BICD1: variants seen among roughly 807,000 people sequenced by gnomAD.
BICD1 encodes BICD cargo adaptor 1, also known as protein bicaudal D homolog 1.
A neutral mutation model predicts 92.5 loss-of-function variants in BICD1; 35 were observed. That is an observed-to-expected ratio of 0.38 (90% CI 0.29 to 0.50). BICD1 has a LOEUF of 0.50. BICD1 is among the 20% of genes least tolerant of loss of function. BICD1 has a pLI of 0.93. For synonymous variants in BICD1, 429 were observed against 465.1 expected, an observed-to-expected ratio of 0.92 and a Z score of 1.00; for missense variants, 950 against 1,189.8, an observed-to-expected ratio of 0.80 and a Z score of 2.97.
chr12:32,368,893 A>G (rs1939625478), intron 9 of BICD1, among the ~76,000 whole-genome samples: 1 of 152,074 alleles, frequency 6.6e-6, no homozygotes, highest in Non-Finnish European at 1.5e-5. Flanking sequence ...CAGCCTGGGT[A>G]ACAGAGCAAG....
intron 1 of BICD1, among the ~76,000 whole-genome samples, chr12:32,168,870 G>A (rs1180513382): frequency 6.6e-6 from 1 of 152,138 alleles, no homozygotes; most frequent in East Asian, 1.9e-4. Flanking sequence ...GCTGAGGCAG[G>A]AGAATCGCTT....
intron 1 of BICD1, among the ~76,000 whole-genome samples, chr12:32,150,789 AT>A (rs1299410917): frequency 1.1e-4 from 17 of 152,172 alleles, no homozygotes; most frequent in Admixed American, 5.9e-4. Flanking sequence ...TTAAAAAAAA[AT>A]AACATAAGAA....
At chr12:32,115,423 T>A (rs1384436365) in intron 1 of BICD1, among the ~76,000 whole-genome samples, 1 of 151,822 alleles carries the variant, frequency 6.6e-6, no homozygotes, top group African/African-American at 2.4e-5. Flanking sequence ...CCTTTGTTTT[T>A]ATAAAAACAG....
At chr12:32,325,158 TTC>T (rs1170053975) in intron 4 of BICD1, among the ~76,000 whole-genome samples, 4 of 138,198 alleles carry the variant, frequency 2.9e-5, no homozygotes, top group African/African-American at 1.1e-4. Flanking sequence ...TTTTTTTTTT[TTC>T]AGATTTCATT....
At chr12:32,370,699 T>C (rs1251018533) in intron 9 of BICD1, among the ~76,000 whole-genome samples, 1 of 152,260 alleles carries the variant, frequency 6.6e-6, no homozygotes, top group Non-Finnish European at 1.5e-5. Context: ...TCTTCACTTG[T>C]AAAGTTCAGA....
intron 1 of BICD1, among the ~76,000 whole-genome samples, chr12:32,195,781 C>T (rs1326750127): frequency 6.6e-6 from 1 of 151,988 alleles, no homozygotes; most frequent in Non-Finnish European, 1.5e-5. Flanking sequence ...TGAAATGGGA[C>T]TATGTTAAAC....
rs567707443 is a variant in BICD1, at chr12:32,201,030, C to T, written c.214-15217C>T. Among the ~76,000 whole-genome samples, 7 of 152,288 alleles carry T rather than the reference C, an allele frequency of 4.6e-5. No individual in the cohort carries two copies. The East Asian group carries it at 1.2e-3, about 25-fold the overall frequency. Reference sequence around the variant, plus strand: ...TCATGTTGGTAACTCCATGTCAATACTGCTTTGTGTACTAACTGCAAGATC... The same window carrying T: ...TCATGTTGGTAACTCCATGTCAATATTGCTTTGTGTACTAACTGCAAGATC... On this transcript the variant is annotated intron_variant, in intron 1 of 9. Transcript: ENST00000652176.
intron 8 of BICD1, among the ~76,000 whole-genome samples, chr12:32,361,436 C>T (rs1939321100): frequency 1.3e-5 from 2 of 151,802 alleles, no homozygotes; most frequent in Non-Finnish European, 2.9e-5. Flanking sequence ...GCCTGTAATC[C>T]CAGCTACTCT....
chr12:32,306,020 G>A lies in BICD1; in HGVS notation c.903G>A (p.Arg301=), dbSNP rs1948205323. The A allele has an allele frequency of 2.5e-6, 4 of 1,614,002 alleles. No homozygotes were observed. Among genetic ancestry groups the A allele is most frequent in the Non-Finnish European group, 3.4e-6 (4 of 1,180,028 alleles). ...GPLVKLNGDY[R]TPTLRKGESL... is the part of the protein sequence containing the mutation. ...TTGTGAAACTGAATGGAGACTATCGGACTCCCACCTTAAGGAAAGGAGAGT... is the reference window on the plus strand; with the variant it reads ...TTGTGAAACTGAATGGAGACTATCGAACTCCCACCTTAAGGAAAGGAGAGT... The change falls in exon 4 of 10, where the codon CGG becomes CGA. Residue 301 remains arginine, a synonymous_variant. Transcript: ENST00000652176.
intron 2 of BICD1, among the ~76,000 whole-genome samples, chr12:32,287,484 C>A (rs549038163): frequency 6.6e-6 from 1 of 151,454 alleles, no homozygotes; most frequent in East Asian, 1.9e-4. Context: ...AAACAATAAC[C>A]CATGATTCTG....
intron 1 of BICD1, among the ~76,000 whole-genome samples, chr12:32,181,915 C>T (rs779546561): frequency 6.6e-6 from 1 of 151,916 alleles, no homozygotes; most frequent in Non-Finnish European, 1.5e-5. Context: ...AAGCAGTCAG[C>T]TGATTTGTCT....
At chr12:32,236,191 G>A (rs923724428) in intron 2 of BICD1, among the ~76,000 whole-genome samples, 1 of 150,992 alleles carries the variant, frequency 6.6e-6, no homozygotes, top group Non-Finnish European at 1.5e-5. Flanking sequence ...TCAGGAATTC[G>A]AGATCAGCCT....
At chr12:32,219,810 A>G (rs887427642) in intron 2 of BICD1, among the ~76,000 whole-genome samples, 4 of 152,202 alleles carry the variant, frequency 2.6e-5, no homozygotes, top group Non-Finnish European at 5.9e-5. Flanking sequence ...TATGTTTTTA[A>G]TGGTAAACTG....
intron 4 of BICD1, among the ~76,000 whole-genome samples, chr12:32,306,918 G>C (rs561503086): frequency 2.6e-5 from 4 of 151,758 alleles, no homozygotes; most frequent in East Asian, 3.9e-4. Flanking sequence ...TCAGGAGGCT[G>C]AGTCAGGAGA....
At chr12:32,259,184 T>G (rs963339704) in intron 2 of BICD1, among the ~76,000 whole-genome samples, 2 of 152,206 alleles carry the variant, frequency 1.3e-5, no homozygotes, top group African/African-American at 2.4e-5. Flanking sequence ...CTTGGTTATA[T>G]TAGTAACACA....
Position 32,198,270 on chromosome 12 carries a change from C to T in BICD1, c.214-17977C>T, listed in dbSNP as rs1042339766. On this transcript the variant is annotated intron_variant, in intron 1 of 9. Coordinates refer to ENST00000652176, the MANE Select transcript of BICD1 (RefSeq NM_001714.4). ...GCACCAAATACCCTTAAAGTTTTTA[C>T]GGCACAGACTTTTTAGTAAATCTTA... Among the ~76,000 whole-genome samples, 4 of 142,598 alleles carry T rather than the reference C, an allele frequency of 2.8e-5. No homozygotes were observed. The South Asian group carries it at 6.6e-4, about 23-fold the overall frequency. The allele number at this position is 142,598 out of a possible 152,430, so 93.5% of individuals were successfully genotyped here.
intron 2 of BICD1, among the ~76,000 whole-genome samples, chr12:32,278,449 TAGAAAAG>T (rs1947330449): frequency 6.6e-6 from 1 of 152,216 alleles, no homozygotes; most frequent in Non-Finnish European, 1.5e-5. Context: ...GGGTAGATTA[TAGAAAAG>T]AGAAAAGATT....
At position 32,337,648 on chromosome 12, in the gene BICD1, A is replaced by G. The variant is rs1429840526; in HGVS notation, c.2402A>G (p.His801Arg). Residue 801 changes from histidine (H) to arginine (R), a missense_variant, in exon 7 of 10, where the codon CAT (histidine) becomes CGT (arginine). His to Arg is a conservative substitution (Grantham distance 29). Coordinates refer to ENST00000652176, the MANE Select transcript of BICD1 (RefSeq NM_001714.4). The surrounding 1 kb of genome is among the most constrained non-coding windows in gnomAD (Gnocchi z 4.7). The stretch of plus-strand genomic sequence containing the variant: ...AGGCTGGAGGACTTAGAGTTTGACC[A>G]TGAGCAGTCCCGACGCAGCAAAGGC... ...TQRLEDLEFD[H>R]EQSRRSKGKL... 7 of 1,614,088 alleles carry G rather than the reference A, an allele frequency of 4.3e-6. No individual in the cohort carries two copies. In the Admixed American group the frequency reaches 6.7e-5, roughly 15 times the overall value.
At chr12:32,364,344 C>T (rs950880102) in intron 8 of BICD1, among the ~76,000 whole-genome samples, 9 of 152,172 alleles carry the variant, frequency 5.9e-5, no homozygotes, top group African/African-American at 1.9e-4. Context: ...AGATCCTAGA[C>T]GGAGCAGGGG....
Sources: allele counts gnomAD v4.1 joint callset (sites outside exome capture counted in the v4.1 genomes callset), GRCh38; gene constraint gnomAD v4.1.1; non-coding constraint Gnocchi (gnomAD v3.1); transcripts MANE v1.5; gene names NCBI Gene and HGNC (gene_info 2026-07-23, HGNC 2026-07-21).